The following TMEM117 variants were observed in gnomAD, a reference collection of about 807,000 sequenced individuals.
TMEM117 encodes the protein transmembrane protein 117.
Under a neutral mutation model 52.4 loss-of-function variants are expected in TMEM117, and 27 were observed. The observed-to-expected ratio is 0.51, with a 90% CI of 0.38 to 0.71. TMEM117 has a LOEUF of 0.71. Ranked by LOEUF, TMEM117 falls within the 30% of genes least tolerant of loss-of-function variation. The probability of loss-of-function intolerance (pLI) is 0.00; values close to 1 mark genes in which losing one functional copy is unlikely to be tolerated. For missense variants in TMEM117, 556 were observed against 630.5 expected (o/e 0.88, Z 1.26); for synonymous variants, 215 against 206.3 (o/e 1.04, Z -0.36).
chr12:44,217,959 C>T (rs151082986), intron 5 of TMEM117, among the ~76,000 whole-genome samples: 2,939 of 152,254 alleles, frequency 0.019, 90 homozygotes, highest in African/African-American at 0.066. Flanking sequence ...TGCGGTGGCT[C>T]ATGCCTGTAA....
At chr12:44,000,004 A>G (rs1946090965) in intron 3 of TMEM117, among the ~76,000 whole-genome samples, 1 of 152,228 alleles carries the variant, frequency 6.6e-6, no homozygotes. Context: ...CTGAACTATC[A>G]TCAATTTTGC....
At chr12:44,182,169 G>T (rs1410656598) in intron 4 of TMEM117, among the ~76,000 whole-genome samples, 1 of 152,128 alleles carries the variant, frequency 6.6e-6, no homozygotes, top group Non-Finnish European at 1.5e-5. Flanking sequence ...TGTTGTTGGT[G>T]TATAAGAATG....
chr12:43,857,293 C>G (rs1943416907), intron 2 of TMEM117, among the ~76,000 whole-genome samples: 1 of 146,432 alleles, frequency 6.8e-6, no homozygotes, highest in African/African-American at 2.5e-5. Flanking sequence ...CAATTATGAA[C>G]CAGGGTGCCT....
At chr12:43,950,747 T>C (rs1012916369) in intron 3 of TMEM117, among the ~76,000 whole-genome samples, 1 of 152,180 alleles carries the variant, frequency 6.6e-6, no homozygotes, top group South Asian at 2.1e-4. Flanking sequence ...AAGAAATATT[T>C]TCCTCAGTAT....
chr12:44,047,133 G>GTATA (rs138223424), intron 3 of TMEM117, among the ~76,000 whole-genome samples: 1 of 151,788 alleles, frequency 6.6e-6, no homozygotes, highest in African/African-American at 2.4e-5. Flanking sequence ...GTGTGTGTGT[G>GTATA]TATATATATA....
rs1186263697 is a variant in TMEM117, at chr12:43,836,175, C to G, written c.-50C>G. 6.6e-6 allele frequency: 1 copy of G among 152,120 alleles called. No individual in the cohort carries two copies. The highest frequency in any genetic ancestry group is 1.5e-5 in the Non-Finnish European group (1 of 68,020). The allele number at this position is 152,120 out of a possible 1,614,324, so 9.4% of individuals were successfully genotyped here. On this transcript the variant is annotated 5_prime_UTR_variant, in exon 1 of 8. Coordinates refer to ENST00000266534, the MANE Select transcript of TMEM117 (RefSeq NM_032256.3). ...CCGCGAATCCCGTGTGCAGTCGCCC[C>G]GCGCCCCGCGCGACCCTTCGGGTGA...
At chr12:43,909,706 C>T (rs1457704053) in intron 2 of TMEM117, among the ~76,000 whole-genome samples, 1 of 151,872 alleles carries the variant, frequency 6.6e-6, no homozygotes, top group Non-Finnish European at 1.5e-5. Context: ...TCGGAGAATA[C>T]TACAAACACC....
intron 6 of TMEM117, among the ~76,000 whole-genome samples, chr12:44,372,780 C>A (rs1033946177): frequency 6.6e-6 from 1 of 152,138 alleles, no homozygotes; most frequent in African/African-American, 2.4e-5. Flanking sequence ...CATGACCTAG[C>A]AGAAAGTATG....
intron 3 of TMEM117, among the ~76,000 whole-genome samples, chr12:44,086,500 C>T (rs542543701): frequency 6.6e-6 from 1 of 152,272 alleles, no homozygotes; most frequent in Admixed American, 6.5e-5. Flanking sequence ...CAGGCGTGAG[C>T]TACTGTGTGC....
chr12:44,322,509 A>G (rs2138703020), intron 6 of TMEM117, among the ~76,000 whole-genome samples: 1 of 152,206 alleles, frequency 6.6e-6, no homozygotes, highest in East Asian at 1.9e-4. Flanking sequence ...TTAGAAAATT[A>G]CTTTCATCTC....
chr12:44,272,913 C>T (rs1950464323), intron 5 of TMEM117, among the ~76,000 whole-genome samples: 1 of 152,158 alleles, frequency 6.6e-6, no homozygotes. Flanking sequence ...TATAAAGACA[C>T]ATGCACACGT....
At chr12:44,032,078 C>T (rs1330015079) in intron 3 of TMEM117, among the ~76,000 whole-genome samples, 2 of 152,204 alleles carry the variant, frequency 1.3e-5, no homozygotes, top group Admixed American at 1.3e-4. Flanking sequence ...TTACTCAACT[C>T]ATAGGTATTT....
At chr12:43,891,367 A>AT (rs772754829) in intron 2 of TMEM117, among the ~76,000 whole-genome samples, 6,951 of 57,538 alleles carry the variant, frequency 0.12, 1,720 homozygotes, top group African/African-American at 0.37. Flanking sequence ...TACCTCTTGA[A>AT]TTTTTTTTTT....
At chr12:44,172,881 C>T (rs1184016106) in intron 4 of TMEM117, among the ~76,000 whole-genome samples, 6 of 152,088 alleles carry the variant, frequency 3.9e-5, no homozygotes, top group Admixed American at 2.0e-4. Flanking sequence ...CATGCCACCA[C>T]GCCCGGCTAA....
At chr12:44,009,948 G>T in intron 3 of TMEM117, 1 of 289,174 alleles carries the variant, frequency 3.5e-6, no homozygotes, top group Non-Finnish European at 7.1e-6. Flanking sequence ...TAGGCTGATA[G>T]CCTCTGGCGT....
At chr12:43,799,372 G>T in the TMEM117 span, 2 of 1,441,724 alleles carry the variant, frequency 1.4e-6, no homozygotes, top group Non-Finnish European at 1.9e-6. Context: ...TTAAAATCTT[G>T]CAAAGACTTT....
In TMEM117 at chr12:44,150,295, CTG is replaced by C. The variant is rs140421221; in HGVS notation, c.510+6673_510+6674del. Among the ~76,000 whole-genome samples the C allele has an allele frequency of 1.0e-2, 1,520 of 152,228 alleles. 9 individuals carry two copies. Among genetic ancestry groups the C allele is most frequent in the African/African-American group, 0.016 (667 of 41,546 alleles). The stretch of plus-strand genomic sequence containing the variant: ...TAAAGAGGAAGTACTCTTGGGGAAT[CTG>C]TAAGAGATGAGAGAAACAGGAGAGA... On this transcript the variant is annotated intron_variant, in intron 4 of 7. Transcript: ENST00000266534.
intron 5 of TMEM117, among the ~76,000 whole-genome samples, chr12:44,297,752 G>A (rs918488405): frequency 6.6e-6 from 1 of 152,124 alleles, no homozygotes; most frequent in African/African-American, 2.4e-5. Flanking sequence ...GTTGTTTGAG[G>A]TTTCTCAAGC....
the TMEM117 span, among the ~76,000 whole-genome samples, chr12:43,813,240 T>TG: frequency 7.6e-6 from 1 of 131,460 alleles, no homozygotes; most frequent in African/African-American, 3.0e-5. Flanking sequence ...TGTTTTTTTT[T>TG]TTTTTTTTTT....
Sources: gnomAD v4.1 joint callset for allele counts (sites outside exome capture counted in the v4.1 genomes callset) on GRCh38, gnomAD v4.1.1 for gene constraint, MANE v1.5 for transcripts, NCBI Gene and HGNC (gene_info 2026-07-23, HGNC 2026-07-21) for gene names.